Variants in ASAP1 observed in about 807,000 individuals in gnomAD.
The protein encoded by ASAP1 is arf-GAP with SH3 domain, ANK repeat and PH domain-containing protein 1.
ASAP1 carries 43 observed loss-of-function variants against 145.2 expected under a neutral mutation model. The observed-to-expected ratio is 0.30, with a 90% CI of 0.23 to 0.38. The LOEUF is 0.38. Among genes scored for constraint, ASAP1 ranks in the 10% least tolerant of loss-of-function variants. The probability of loss-of-function intolerance (pLI) is 1.00; values close to 1 mark genes in which losing one functional copy is unlikely to be tolerated. For missense variants in ASAP1, 1,018 were observed against 1,355.3 expected, an observed-to-expected ratio of 0.75 and a Z score of 3.91; for synonymous variants, 546 against 515.5, an observed-to-expected ratio of 1.06 and a Z score of -0.80.
intron 3 of ASAP1, among the ~76,000 whole-genome samples, chr8:130,278,447 C>T (rs1326695867): frequency 6.6e-6 from 1 of 152,120 alleles, no homozygotes; most frequent in Non-Finnish European, 1.5e-5. Flanking sequence ...ACATCAACAG[C>T]GTCAGGGTGG....
intron 3 of ASAP1, among the ~76,000 whole-genome samples, chr8:130,339,964 C>T (rs1825273278): frequency 6.6e-6 from 1 of 152,196 alleles, no homozygotes; most frequent in South Asian, 2.1e-4. Flanking sequence ...TACACAGAGC[C>T]AGGCTCACCT....
chr8:130,361,742 T>G (rs370865931), intron 2 of ASAP1: 2 of 1,535,554 alleles, frequency 1.3e-6, no homozygotes, highest in East Asian at 2.4e-5. Flanking sequence ...TCTCATTTTC[T>G]CAAATACTCT....
chr8:130,091,642 G>T (rs556001729), intron 25 of ASAP1, among the ~76,000 whole-genome samples: 1 of 152,336 alleles, frequency 6.6e-6, no homozygotes, highest in African/African-American at 2.4e-5. Context: ...TCTGGCTGTT[G>T]TGAGGAAAAT....
At chr8:130,435,470 C>A (rs1256312584) in intron 1 of ASAP1, among the ~76,000 whole-genome samples, 1 of 152,230 alleles carries the variant, frequency 6.6e-6, no homozygotes, top group Non-Finnish European at 1.5e-5. Context: ...CAGGTGAATG[C>A]ACAGGACGCA....
intron 13 of ASAP1, among the ~76,000 whole-genome samples, chr8:130,137,442 T>C (rs2097597630): frequency 6.6e-6 from 1 of 152,220 alleles, no homozygotes; most frequent in Non-Finnish European, 1.5e-5. Context: ...AAATGCACCT[T>C]TCTGGAACCT....
intron 15 of ASAP1, among the ~76,000 whole-genome samples, chr8:130,130,679 T>C (rs920701785): frequency 1.3e-5 from 2 of 152,206 alleles, no homozygotes; most frequent in Admixed American, 1.3e-4. Flanking sequence ...GCTTATCCTC[T>C]CAAAATCCTG....
intron 1 of ASAP1, among the ~76,000 whole-genome samples, chr8:130,422,514 C>T (rs961070052): frequency 2.0e-4 from 31 of 152,196 alleles, no homozygotes; most frequent in Admixed American, 5.2e-4. Context: ...TTCTCCCTTG[C>T]CTCGGGCTTC....
chr8:130,183,798 T>G (rs954988598), intron 7 of ASAP1, among the ~76,000 whole-genome samples: 1 of 152,024 alleles, frequency 6.6e-6, no homozygotes, highest in East Asian at 1.9e-4. Context: ...CTACTGGAGG[T>G]AATGGGCCAC....
At chr8:130,134,900 A>C (rs1316506093) in intron 14 of ASAP1, among the ~76,000 whole-genome samples, 3 of 152,156 alleles carry the variant, frequency 2.0e-5, no homozygotes, top group Non-Finnish European at 4.4e-5. Context: ...CTGAGACTTA[A>C]CCATGGGGTA....
intron 3 of ASAP1, among the ~76,000 whole-genome samples, chr8:130,282,898 CAA>C (rs1665634927): frequency 6.6e-6 from 1 of 152,166 alleles, no homozygotes; most frequent in Non-Finnish European, 1.5e-5. Context: ...TTCGCTGCGG[CAA>C]AGTTACAACA....
rs745919113 is a variant in ASAP1, at chr8:130,060,883, G to A, written c.2888C>T (p.Pro963Leu). 4 of 1,613,668 alleles carry A rather than the reference G, an allele frequency of 2.5e-6. No homozygotes were observed. Among genetic ancestry groups the A allele is most frequent in the Non-Finnish European group, 3.4e-6 (4 of 1,179,856 alleles). ...CAGGTCCCCCAGCTGTGGTTTGGGG[G>A]GCAGTTCTCCTGGCTTAGGCGGCAA... ...GDLPPKPGEL[P>L]PKPQLGDLPP... is the part of the protein sequence containing the mutation. The change falls in exon 28 of 30, where the codon CCC (proline) becomes CTC (leucine). Residue 963 changes from proline (P) to leucine (L), a missense_variant. Transcript: ENST00000518721.
chr8:130,198,989 C>G (rs944092392), intron 5 of ASAP1, among the ~76,000 whole-genome samples: 1 of 152,196 alleles, frequency 6.6e-6, no homozygotes, highest in African/African-American at 2.4e-5. Flanking sequence ...CCACAGAGAT[C>G]TCTCCCACTT....
rs117947507 is a variant in ASAP1 at position 130,109,761 on chromosome 8, T to C, written c.2401+2333A>G. Among the ~76,000 whole-genome samples, 56 of 152,322 alleles carry C rather than the reference T, an allele frequency of 3.7e-4. 2 individuals carry two copies. The East Asian group carries it at 0.01, about 27-fold the overall frequency. On this transcript the variant is annotated intron_variant, in intron 24 of 29. Transcript: ENST00000518721. ...GCTCCATTCTAAACATTATCAGTTT[T>C]CCAAATGTAAGCGCATGTGAGCTGA...
intron 3 of ASAP1, among the ~76,000 whole-genome samples, chr8:130,342,950 T>C (rs1825478386): frequency 6.6e-6 from 1 of 152,140 alleles, no homozygotes; most frequent in Non-Finnish European, 1.5e-5. Context: ...CACAACCATG[T>C]GTGAACGAAG....
At position 130,116,978 on chromosome 8, in the gene ASAP1, T is replaced by G. The variant is rs1421137643; in HGVS notation, c.1898A>C (p.Gln633Pro). The change falls in exon 21 of 30, where the codon CAG becomes CCG. Residue 633 changes from glutamine to proline, a missense_variant. Gln to Pro is a moderately conservative substitution (Grantham distance 76). This residue lies in a region of ASAP1 where 353 missense variants were observed against 375.4 expected (regional missense o/e 0.94). Coordinates refer to ENST00000518721, the MANE Select transcript of ASAP1 (RefSeq NM_018482.4). The stretch of plus-strand genomic sequence containing the variant: ...TAGAACTGTGTTTCCCAGGGCCGTC[T>G]GCTTATCCAGGTTCCCACTGAAAAA... ...LVQNCGNLDK[Q>P]TALGNTVLHY... The G allele has an allele frequency of 1.2e-6, 2 of 1,608,528 alleles. No individual in the cohort carries two copies. The highest frequency in any genetic ancestry group is 2.7e-5 in the African/African-American group (2 of 74,714).
At chr8:130,125,457 C>G (rs1323213243) in intron 17 of ASAP1, among the ~76,000 whole-genome samples, 3 of 152,160 alleles carry the variant, frequency 2.0e-5, no homozygotes, top group Non-Finnish European at 4.4e-5. Flanking sequence ...CTCACAATTT[C>G]TTCCCTTACT....
intron 3 of ASAP1, among the ~76,000 whole-genome samples, chr8:130,324,276 C>T (rs1565208883): frequency 6.6e-6 from 1 of 152,186 alleles, no homozygotes; most frequent in African/African-American, 2.4e-5. Flanking sequence ...AGGCTCACTT[C>T]TCTTTTAACA....
chr8:130,397,872 C>A (rs185104393), intron 2 of ASAP1, among the ~76,000 whole-genome samples: 20 of 152,344 alleles, frequency 1.3e-4, no homozygotes, highest in African/African-American at 4.8e-4. Flanking sequence ...TACCTCTTTC[C>A]TTTTCCTCTA....
chr8:130,234,576 G>T (rs899203600), intron 4 of ASAP1, among the ~76,000 whole-genome samples: 6 of 152,160 alleles, frequency 3.9e-5, no homozygotes, highest in Non-Finnish European at 8.8e-5. Flanking sequence ...ATCCTTTAAA[G>T]AACAGGAAGA....
Sources: allele counts gnomAD v4.1 joint callset (sites outside exome capture counted in the v4.1 genomes callset), GRCh38; gene constraint gnomAD v4.1.1; regional missense constraint gnomAD v4.1.1; transcripts MANE v1.5; gene names NCBI Gene and HGNC (gene_info 2026-07-23, HGNC 2026-07-21).